MCF2: variants seen among roughly 807,000 people sequenced by gnomAD.
MCF2 encodes MCF.2 cell line derived transforming sequence, also known as proto-oncogene DBL.
In MCF2, 44 loss-of-function variants were observed where a neutral mutation model predicts 82.5. That is an observed-to-expected ratio of 0.53 (90% CI 0.42 to 0.69). The LOEUF is 0.69. MCF2 is among the 30% of genes least tolerant of loss of function. The pLI is 0.00. For synonymous variants in MCF2, 217 were observed against 224.9 expected (o/e 0.96, Z 0.32); for missense variants, 623 against 663.1 (o/e 0.94, Z 0.66).
intron 1 of MCF2, among the ~76,000 whole-genome samples, chrX:139,684,804 G>C (rs1935083529): frequency 1.8e-5 from 2 of 112,003 alleles, no homozygotes; most frequent in East Asian, 5.6e-4. Context: ...GTGACTGCCA[G>C]GGGCTGAGGA....
intron 1 of MCF2, among the ~76,000 whole-genome samples, chrX:139,685,366 G>A (rs1167779132): frequency 9.0e-6 from 1 of 110,682 alleles, no homozygotes; most frequent in African/African-American, 3.3e-5. Flanking sequence ...CCCTGGGCCT[G>A]GTAGTTAAAG....
At chrX:139,673,379 G>A (rs1934764380) in intron 1 of MCF2, among the ~76,000 whole-genome samples, 2 of 111,163 alleles carry the variant, frequency 1.8e-5, no homozygotes, top group African/African-American at 6.6e-5. Context: ...GTTTGCTCTT[G>A]CTTCTCTAGT....
In MCF2 at chrX:139,586,372, A is replaced by G; in HGVS notation, c.2632+6T>C. ...AGTCTCGTCTTAAGATGACCATGAC[A>G]CATACCTGTATTTGCTTCTGCCTGA... On this transcript the variant is annotated splice_donor_region_variant and intron_variant, in intron 23 of 24. Transcript: ENST00000370576. 3.4e-6 allele frequency: 4 copies of G among 1,175,545 alleles called. No homozygotes were observed. The highest frequency in any genetic ancestry group is 4.6e-6 in the Non-Finnish European group (4 of 862,847).
chrX:139,647,147 T>C (rs926804309), upstream of MCF2, among the ~76,000 whole-genome samples: 2 of 111,314 alleles, frequency 1.8e-5, no homozygotes, highest in Admixed American at 9.5e-5. Flanking sequence ...CAGAAGAAAA[T>C]GTCATGAAAT....
intron 22 of MCF2, among the ~76,000 whole-genome samples, chrX:139,586,983 A>T (rs1313964724): frequency 9.0e-6 from 1 of 111,543 alleles, no homozygotes; most frequent in African/African-American, 3.3e-5. Context: ...GGTTCTCCTA[A>T]ATCTCCACGT....
intron 23 of MCF2, among the ~76,000 whole-genome samples, chrX:139,585,618 G>T (rs756392834): frequency 4.1e-4 from 46 of 112,170 alleles, no homozygotes; most frequent in African/African-American, 1.4e-3. Flanking sequence ...CTCCAAAGAA[G>T]TCTATGCTGT....
intron 13 of MCF2, 47 bp from the exon 18 acceptor site, chrX:139,605,031 C>G (rs1569352429): frequency 1.4e-6 from 1 of 702,701 alleles, no homozygotes; most frequent in Non-Finnish European, 2.1e-6. Flanking sequence ...ATTACATGCA[C>G]ATTTGGTTGG....
At chrX:139,684,008 C>T (rs937453508) in intron 1 of MCF2, among the ~76,000 whole-genome samples, 3 of 112,217 alleles carry the variant, frequency 2.7e-5, no homozygotes, top group African/African-American at 9.7e-5. Context: ...AAAATATTTG[C>T]GATTCAAGGA....
intron 16 of MCF2, 120 bp downstream of exon 20, chrX:139,602,285 CT>C (rs768219318): frequency 1.8e-6 from 1 of 563,558 alleles, no homozygotes; most frequent in South Asian, 2.8e-5. Flanking sequence ...TGGATTTGCT[CT>C]TTAACTCATA....
Position 139,635,727 on chromosome X carries a change from T to C in MCF2, c.52-3273A>G, listed in dbSNP as rs973666523. Among the ~76,000 whole-genome samples the C allele has an allele frequency of 1.0e-3, 114 of 111,772 alleles. 2 individuals carry two copies. Among genetic ancestry groups the C allele is most frequent in the Non-Finnish European group, 6.6e-4 (35 of 53,167 alleles). Reference sequence around the variant, plus strand: ...GAAATAATGAATATAAAGGCACTTCTAAAATTTTTATTTTAGGTTTGGGGG... The same window carrying C: ...GAAATAATGAATATAAAGGCACTTCCAAAATTTTTATTTTAGGTTTGGGGG... On this transcript the variant is annotated intron_variant, in intron 1 of 24. Coordinates refer to ENST00000370576, the Ensembl canonical transcript of MCF2.
chrX:139,697,639 A>G lies in MCF2; in HGVS notation c.-45+10467T>C. ...TAAGTAAGCCCAAAGAGATTGGTCA[A>G]TGAATTGACCTGAATCCAGGCCCTG... is the stretch of plus-strand genomic sequence containing the variant. On this transcript the variant is annotated intron_variant, in intron 1 of 27. Coordinates refer to the MCF2 transcript ENST00000414978. Among the ~76,000 whole-genome samples, 2 of 112,126 alleles carry G rather than the reference A, an allele frequency of 1.8e-5. 1 individual carries two copies. Among genetic ancestry groups the G allele is most frequent in the Middle Eastern group, 8.4e-3 (2 of 238 alleles).
intron 2 of MCF2, among the ~76,000 whole-genome samples, chrX:139,648,314 G>A (rs774425390): frequency 9.0e-6 from 1 of 110,821 alleles, no homozygotes; most frequent in Non-Finnish European, 1.9e-5. Flanking sequence ...AAAGGTTGCG[G>A]TGAGCCAAGA....
chrX:139,586,339 C>A (rs768266559), intron 23 of MCF2, 39 bp downstream of exon 27: 1 of 1,012,170 alleles, frequency 9.9e-7, no homozygotes, highest in South Asian at 2.0e-5. Flanking sequence ...AAAATTTGCA[C>A]ACCCATGAGT....
At chrX:139,664,254 C>T (rs779842932) in intron 1 of MCF2, among the ~76,000 whole-genome samples, 4 of 109,892 alleles carry the variant, frequency 3.6e-5, no homozygotes, top group East Asian at 5.7e-4. Context: ...CTGCCTGCCT[C>T]GGCCTCCCAA....
chrX:139,627,000 A>G (rs1028312537), intron 4 of MCF2, among the ~76,000 whole-genome samples: 6 of 112,182 alleles, frequency 5.3e-5, no homozygotes, highest in Non-Finnish European at 1.1e-4. Context: ...TTTTTATAAG[A>G]TCATCATGGG....
intron 1 of MCF2, among the ~76,000 whole-genome samples, chrX:139,679,751 G>A (rs887694264): frequency 9.0e-6 from 1 of 111,011 alleles, no homozygotes; most frequent in Admixed American, 9.6e-5. Flanking sequence ...CCTACGCCAA[G>A]TACCTCCTGG....
At chrX:139,610,758 A>G (rs184651122) in intron 10 of MCF2, among the ~76,000 whole-genome samples, 9 of 112,109 alleles carry the variant, frequency 8.0e-5, no homozygotes, top group African/African-American at 2.9e-4. Flanking sequence ...GGCACTTTCT[A>G]CATATTGAGC....
At chrX:139,684,220 C>A (rs1935069039) in intron 1 of MCF2, among the ~76,000 whole-genome samples, 1 of 112,196 alleles carries the variant, frequency 8.9e-6, no homozygotes, top group Non-Finnish European at 1.9e-5. Context: ...CAATAAGCAC[C>A]TGAAAAGGTG....
chrX:139,681,787 A>C (rs1367649813), intron 1 of MCF2, among the ~76,000 whole-genome samples: 1 of 112,189 alleles, frequency 8.9e-6, no homozygotes. Context: ...GGAGGTGATC[A>C]ATAAATGTTT....
Sources: allele counts gnomAD v4.1 joint callset (sites outside exome capture counted in the v4.1 genomes callset), GRCh38; gene constraint gnomAD v4.1.1; transcripts MANE v1.5; gene names NCBI Gene and HGNC (gene_info 2026-07-23, HGNC 2026-07-21).